Variants in PACSIN2 observed in about 807,000 individuals in gnomAD.
The protein encoded by PACSIN2 is protein kinase C and casein kinase substrate in neurons 2, also known as protein kinase C and casein kinase substrate in neurons protein 2.
Under a neutral mutation model 63.8 loss-of-function variants are expected in PACSIN2, and 25 were observed. The observed-to-expected ratio is 0.39, with a 90% CI of 0.29 to 0.55. The LOEUF is 0.55. PACSIN2 is among the 20% of genes least tolerant of loss of function. PACSIN2 has a pLI of 0.62. For synonymous variants in PACSIN2, 255 were observed against 256.2 expected, an observed-to-expected ratio of 1.00 and a Z score of 0.05; for missense variants, 518 against 646.9, an observed-to-expected ratio of 0.80 and a Z score of 2.16.
intron 3 of PACSIN2, among the ~76,000 whole-genome samples, chr22:42,893,096 T>G (rs1569231784): frequency 6.6e-6 from 1 of 152,172 alleles, no homozygotes. Context: ...TGGCCAAGTT[T>G]AAAAATAAAC....
intron 2 of PACSIN2, among the ~76,000 whole-genome samples, chr22:42,902,347 A>G (rs896180840): frequency 6.6e-6 from 1 of 152,044 alleles, no homozygotes; most frequent in African/African-American, 2.4e-5. Flanking sequence ...CGCTTCCCCC[A>G]CAGATTACCC....
chr22:42,979,280 T>G (rs1921908068), intron 1 of PACSIN2, among the ~76,000 whole-genome samples: 1 of 151,872 alleles, frequency 6.6e-6, no homozygotes, highest in Non-Finnish European at 1.5e-5. Context: ...TCTCAGCACT[T>G]TGGGAGGCAG....
chr22:43,013,378 T>C lies in PACSIN2; in HGVS notation c.-78+1643A>G, dbSNP rs78863249. 4.3e-3 allele frequency among the ~76,000 whole-genome samples: 648 copies of C among 152,366 alleles called. 3 individuals carry two copies. Among genetic ancestry groups the C allele is most frequent in the African/African-American group, 0.015 (612 of 41,586 alleles). The stretch of plus-strand genomic sequence containing the variant: ...CACCAATGTTTTTGATGTAGTGGCC[T>C]CATATCTCAACCAGCATAACCTCAC... On this transcript the variant is annotated intron_variant, in intron 1 of 10. Coordinates refer to ENST00000263246, the MANE Select transcript of PACSIN2 (RefSeq NM_001184970.3).
intron 1 of PACSIN2, among the ~76,000 whole-genome samples, chr22:42,961,963 T>C (rs1010669556): frequency 6.6e-6 from 1 of 152,116 alleles, no homozygotes; most frequent in Non-Finnish European, 1.5e-5. Context: ...TATCCTGTGG[T>C]TGGCTTAGTT....
intron 1 of PACSIN2, among the ~76,000 whole-genome samples, chr22:43,001,555 G>A (rs1467635696): frequency 6.6e-6 from 1 of 152,236 alleles, no homozygotes; most frequent in Admixed American, 6.5e-5. Context: ...AGTGCAGTCA[G>A]ACGAGCCCTG....
At chr22:42,878,722 ATC>A (rs1357076890) in intron 8 of PACSIN2, among the ~76,000 whole-genome samples, 1 of 152,210 alleles carries the variant, frequency 6.6e-6, no homozygotes, top group Non-Finnish European at 1.5e-5. Flanking sequence ...GGGCGGTGCT[ATC>A]CCTGGGGACA....
intron 1 of PACSIN2, among the ~76,000 whole-genome samples, chr22:42,929,580 T>C (rs1172632069): frequency 3.3e-5 from 5 of 152,334 alleles, no homozygotes; most frequent in Middle Eastern, 3.4e-3. Flanking sequence ...AAAACGATCC[T>C]GTCTGGTTTC....
intron 2 of PACSIN2, 118 bp from the exon 3 acceptor site, chr22:42,893,731 A>T: frequency 1.1e-6 from 1 of 943,490 alleles, no homozygotes; most frequent in South Asian, 1.6e-5. Flanking sequence ...TGTTTACCAC[A>T]CCCCTCTCCA....
At chr22:42,934,689 C>A (rs187376334) in intron 1 of PACSIN2, among the ~76,000 whole-genome samples, 154 of 152,348 alleles carry the variant, frequency 1.0e-3, no homozygotes, top group South Asian at 1.9e-3. Flanking sequence ...TTGCCCACCA[C>A]TGTCCCGTTA....
chr22:43,005,060 C>A (rs559013130), intron 1 of PACSIN2, among the ~76,000 whole-genome samples: 148 of 152,336 alleles, frequency 9.7e-4, no homozygotes, highest in African/African-American at 3.5e-3. Context: ...AAACATTAAT[C>A]TAAAAGTAAA....
intron 1 of PACSIN2, among the ~76,000 whole-genome samples, chr22:42,916,596 G>A (rs948318367): frequency 6.6e-6 from 1 of 151,940 alleles, no homozygotes; most frequent in Non-Finnish European, 1.5e-5. Context: ...CTGGCTCCCC[G>A]CTCTCACCCT....
rs187929350 is a variant in PACSIN2 at position 42,884,681 on chromosome 22, G to A, written c.610-120C>T. On this transcript the variant is annotated intron_variant, in intron 5 of 10. Transcript: ENST00000263246. ...AATGCAAAGAAAAAACAGGAGCTCT[G>A]GATTCTGACAGACTTCAAGTTCAAG... is the stretch of plus-strand genomic sequence containing the variant. 106 of 707,660 alleles carry A rather than the reference G, an allele frequency of 1.5e-4. 1 individual carries two copies. The Admixed American group carries it at 2.3e-3, about 16-fold the overall frequency. The allele number at this position is 707,660 out of a possible 1,614,324, so 43.8% of individuals were successfully genotyped here. A position where few individuals can be genotyped will look rare whatever the true frequency, so the allele number is the denominator to read the frequency against.
chr22:43,002,623 A>T (rs1923839042), intron 1 of PACSIN2, among the ~76,000 whole-genome samples: 1 of 152,148 alleles, frequency 6.6e-6, no homozygotes. Context: ...ATACACTTAC[A>T]AGCAGCAAGA....
At chr22:42,923,524 T>C (rs1932332382) in intron 1 of PACSIN2, among the ~76,000 whole-genome samples, 1 of 152,118 alleles carries the variant, frequency 6.6e-6, no homozygotes, top group African/African-American at 2.4e-5. Flanking sequence ...GCCTCCCGGG[T>C]TCACGCCATT....
intron 1 of PACSIN2, among the ~76,000 whole-genome samples, chr22:43,001,623 C>G (rs1923774127): frequency 1.3e-5 from 2 of 152,242 alleles, no homozygotes; most frequent in Admixed American, 1.3e-4. Flanking sequence ...TATGCCTGTG[C>G]TGTTTGTGGC....
chr22:42,950,341 T>C (rs12168991), intron 1 of PACSIN2, among the ~76,000 whole-genome samples: 8,882 of 27,018 alleles, frequency 0.33, 888 homozygotes, highest in African/African-American at 0.5. Flanking sequence ...TCCTCCAAGA[T>C]ACAAAGGAAC....
chr22:42,974,269 G>A (rs73886202), intron 1 of PACSIN2, among the ~76,000 whole-genome samples: 3,907 of 152,250 alleles, frequency 0.026, 166 homozygotes, highest in African/African-American at 0.09. Context: ...CGCCTGAACC[G>A]TCTACCCAAG....
chr22:42,967,543 T>A (rs1920976694), intron 1 of PACSIN2, among the ~76,000 whole-genome samples: 1 of 152,234 alleles, frequency 6.6e-6, no homozygotes, highest in Non-Finnish European at 1.5e-5. Flanking sequence ...ACTGTTGGTG[T>A]TTCATCGTCT....
chr22:42,991,318 T>C lies in PACSIN2; in HGVS notation c.-78+23703A>G, dbSNP rs956278335. ...TGGCTCAGAGCAGAGCCCAGTTCCC[T>C]GGGTCTCAGCTGGCTGCAGGTCTCA... On this transcript the variant is annotated intron_variant, in intron 1 of 10. Transcript: ENST00000263246. 2.6e-5 allele frequency among the ~76,000 whole-genome samples: 4 copies of C among 151,902 alleles called. No individual in the cohort carries two copies. The South Asian group carries it at 6.3e-4, about 24-fold the overall frequency.
Sources: gnomAD v4.1 joint callset for allele counts (sites outside exome capture counted in the v4.1 genomes callset) on GRCh38, gnomAD v4.1.1 for gene constraint, MANE v1.5 for transcripts, NCBI Gene and HGNC (gene_info 2026-07-23, HGNC 2026-07-21) for gene names.